NELL1: variants seen among roughly 807,000 people sequenced by gnomAD.
NELL1 encodes protein kinase C-binding protein NELL1.
NELL1 carries 76 observed loss-of-function variants against 107.4 expected under a neutral mutation model. The observed-to-expected ratio is 0.71, with a 90% CI of 0.59 to 0.86. The LOEUF is 0.86. NELL1 is among the 40% of genes least tolerant of loss of function. The pLI, the probability that NELL1 is intolerant of heterozygous loss-of-function variation, is 0.00. For missense variants in NELL1, 1,024 were observed against 1,005.5 expected (o/e 1.02, Z -0.25); for synonymous variants, 353 against 341.2 (o/e 1.03, Z -0.38).
intron 15 of NELL1, among the ~76,000 whole-genome samples, chr11:21,492,653 C>G (rs1485012751): frequency 6.7e-6 from 1 of 149,058 alleles, no homozygotes; most frequent in South Asian, 2.1e-4. Context: ...GGACAAAAAA[C>G]CAAACACTGC....
At chr11:21,552,909 A>G (rs1000593270) in intron 16 of NELL1, among the ~76,000 whole-genome samples, 25 of 151,952 alleles carry the variant, frequency 1.6e-4, no homozygotes, top group African/African-American at 5.1e-4. Context: ...ACTTCCCCTT[A>G]GAAGTTTGGA....
At chr11:21,376,966 G>C (rs1258331128) in intron 15 of NELL1, among the ~76,000 whole-genome samples, 1 of 151,950 alleles carries the variant, frequency 6.6e-6, no homozygotes, top group Non-Finnish European at 1.5e-5. Flanking sequence ...GGACTTTCTA[G>C]ATATAGGATT....
chr11:21,249,744 C>T (rs928566359), intron 14 of NELL1, among the ~76,000 whole-genome samples: 11 of 152,164 alleles, frequency 7.2e-5, no homozygotes, highest in African/African-American at 2.6e-4. Flanking sequence ...TGTTAGTTTG[C>T]ACTTTAAAAC....
chr11:21,346,528 T>C (rs946238981), intron 14 of NELL1, among the ~76,000 whole-genome samples: 2 of 147,938 alleles, frequency 1.4e-5, no homozygotes, highest in Non-Finnish European at 3.0e-5. Flanking sequence ...ATATATAATT[T>C]ATTATATATG....
intron 5 of NELL1, among the ~76,000 whole-genome samples, chr11:20,902,603 A>G (rs534417389): frequency 5.3e-5 from 8 of 151,952 alleles, no homozygotes; most frequent in Non-Finnish European, 7.4e-5. Flanking sequence ...TAGGAGCCCA[A>G]CTCTTTGGTA....
intron 15 of NELL1, among the ~76,000 whole-genome samples, chr11:21,528,511 A>T (rs78480771): frequency 6.5e-5 from 3 of 46,304 alleles, no homozygotes; most frequent in African/African-American, 7.5e-5. Flanking sequence ...GCACATACCC[A>T]CCCCCCCCCC....
At position 20,847,880 on chromosome 11, in the gene NELL1, A is replaced by G. The variant is rs144588622; in HGVS notation, c.506+127A>G. 2.4e-4 allele frequency: 237 copies of G among 997,402 alleles called. 3 individuals carry two copies. The East Asian group carries it at 6.2e-3, about 26-fold the overall frequency. The allele number at this position is 997,402 out of a possible 1,614,324, so 61.8% of individuals were successfully genotyped here. A position where few individuals can be genotyped will look rare whatever the true frequency, so the allele number is the denominator to read the frequency against. On this transcript the variant is annotated intron_variant, in intron 4 of 19. Transcript: ENST00000357134. ...CACCAAGGGACCCTAATTGTAATTT[A>G]ACCTACCAAATGGGACCTTAGGCAT... is the stretch of plus-strand genomic sequence containing the variant.
chr11:21,466,228 A>G (rs1284424128), intron 15 of NELL1, among the ~76,000 whole-genome samples: 2 of 152,118 alleles, frequency 1.3e-5, no homozygotes, highest in Non-Finnish European at 2.9e-5. Flanking sequence ...CCCTGGTGAC[A>G]GGGCAGTCTT....
At chr11:20,893,441 G>A (rs1002258077) in intron 5 of NELL1, among the ~76,000 whole-genome samples, 2 of 151,484 alleles carry the variant, frequency 1.3e-5, no homozygotes, top group Admixed American at 6.6e-5. Context: ...TAAAATGTTA[G>A]TAAAGGTGAT....
intron 15 of NELL1, among the ~76,000 whole-genome samples, chr11:21,395,645 T>C (rs1037597048): frequency 1.3e-5 from 2 of 151,558 alleles, no homozygotes; most frequent in African/African-American, 2.4e-5. Flanking sequence ...TCTATTATTC[T>C]AGTAATAGTA....
chr11:20,734,237 G>A (rs902838609), intron 2 of NELL1, among the ~76,000 whole-genome samples: 15 of 152,156 alleles, frequency 9.9e-5, no homozygotes, highest in Non-Finnish European at 2.2e-4. Flanking sequence ...AGAGAGGTAA[G>A]CAGGAGACAG....
chr11:21,176,067 G>A (rs565617614), intron 13 of NELL1, among the ~76,000 whole-genome samples: 76 of 151,816 alleles, frequency 5.0e-4, no homozygotes, highest in Admixed American at 5.0e-3. Flanking sequence ...CAAACTCTGG[G>A]CCTAAATATT....
intron 16 of NELL1, among the ~76,000 whole-genome samples, chr11:21,547,793 C>A (rs1856480123): frequency 6.6e-6 from 1 of 151,836 alleles, no homozygotes; most frequent in Admixed American, 6.6e-5. Flanking sequence ...CATAATGAAC[C>A]TTCAAGTTTG....
At chr11:21,266,902 G>C (rs1848647027) in intron 14 of NELL1, among the ~76,000 whole-genome samples, 1 of 152,064 alleles carries the variant, frequency 6.6e-6, no homozygotes, top group Admixed American at 6.6e-5. Context: ...TTTTTCAATA[G>C]TGTGTACCTA....
At chr11:21,038,968 T>G (rs2134328294) in intron 12 of NELL1, among the ~76,000 whole-genome samples, 1 of 152,280 alleles carries the variant, frequency 6.6e-6, no homozygotes, top group Middle Eastern at 3.4e-3. Flanking sequence ...TGTGAACTCC[T>G]TATCCTGTGG....
chr11:20,917,852 A>G lies in NELL1; in HGVS notation c.604-330A>G, dbSNP rs7950107. Among the ~76,000 whole-genome samples, 966 of 152,114 alleles carry G rather than the reference A, an allele frequency of 6.4e-3. 8 individuals carry two copies. The highest frequency in any genetic ancestry group is 0.022 in the African/African-American group (912 of 41,544). ...CCACTTTAAAAAAATCCTGTAAATC[A>G]GCAATATTTAATATTCCAGGATGAT... On this transcript the variant is annotated intron_variant, in intron 5 of 19. Transcript: ENST00000357134.
intron 14 of NELL1, among the ~76,000 whole-genome samples, chr11:21,269,629 C>A (rs530294860): frequency 7.8e-4 from 119 of 152,182 alleles, no homozygotes; most frequent in African/African-American, 2.8e-3. Context: ...AAGCCATTTT[C>A]AGACAACAAA....
intron 13 of NELL1, among the ~76,000 whole-genome samples, chr11:21,190,174 G>T (rs546564048): frequency 7.3e-5 from 11 of 151,670 alleles, no homozygotes; most frequent in African/African-American, 2.4e-4. Flanking sequence ...CCAACATGGC[G>T]AAATCCTGTC....
intron 13 of NELL1, among the ~76,000 whole-genome samples, chr11:21,181,916 G>T (rs1856835745): frequency 6.6e-6 from 1 of 151,856 alleles, no homozygotes; most frequent in South Asian, 2.1e-4. Context: ...TTTTAATAGT[G>T]TTTCTGTAGA....
Sources: allele counts gnomAD v4.1 joint callset (sites outside exome capture counted in the v4.1 genomes callset), GRCh38; gene constraint gnomAD v4.1.1; transcripts MANE v1.5; gene names NCBI Gene and HGNC (gene_info 2026-07-23, HGNC 2026-07-21).